The following MAGI2 variants were observed in gnomAD, a reference collection of about 807,000 sequenced individuals.
The protein encoded by MAGI2 is membrane-associated guanylate kinase, WW and PDZ domain-containing protein 2.
Under a neutral mutation model 133.3 loss-of-function variants are expected in MAGI2, and 35 were observed. The ratio of observed to expected loss-of-function variants is 0.26; its 90% CI spans 0.20 to 0.35. The LOEUF (loss-of-function observed/expected upper bound fraction) is 0.35, where lower values mean the gene tolerates loss of function less well. Ranked by LOEUF, MAGI2 falls within the 10% of genes least tolerant of loss-of-function variation. The pLI is 1.00. For missense variants in MAGI2, 1,636 were observed against 1,863.4 expected (o/e 0.88, Z 2.25); for synonymous variants, 729 against 710.6 (o/e 1.03, Z -0.41).
intron 1 of MAGI2, among the ~76,000 whole-genome samples, chr7:79,318,244 T>C (rs1838895748): frequency 6.6e-6 from 1 of 152,052 alleles, no homozygotes. Context: ...AAAACATCAT[T>C]TATAAAATGT....
intron 1 of MAGI2, among the ~76,000 whole-genome samples, chr7:79,327,534 G>A (rs978941711): frequency 4.6e-5 from 7 of 152,040 alleles, no homozygotes; most frequent in Non-Finnish European, 5.9e-5. Context: ...TATATGTATC[G>A]CAAAATAAAA....
chr7:78,987,666 T>C (rs1805388778), intron 2 of MAGI2, among the ~76,000 whole-genome samples: 1 of 152,038 alleles, frequency 6.6e-6, no homozygotes, highest in African/African-American at 2.4e-5. Context: ...TGTTTGAAAA[T>C]CTTCTCTACT....
At chr7:78,519,557 A>T (rs563860597) in intron 4 of MAGI2, among the ~76,000 whole-genome samples, 24 of 152,310 alleles carry the variant, frequency 1.6e-4, no homozygotes, top group Non-Finnish European at 3.1e-4. Context: ...GATCAAGAAC[A>T]GTTCAGTTTT....
intron 1 of MAGI2, among the ~76,000 whole-genome samples, chr7:79,055,623 A>C (rs749115678): frequency 8.5e-5 from 13 of 152,172 alleles, no homozygotes; most frequent in Non-Finnish European, 1.6e-4. Context: ...CAGTCAGATT[A>C]ATTACATATG....
rs940560341 is a variant in MAGI2, at chr7:78,056,535, G to C, written c.3706+22412C>G. ...CTTTGCAGAAACATGGTTGGAGCTGGGAGCCATTATCCTCAGCAAACTGAC... is the reference window on the plus strand; with the variant it reads ...CTTTGCAGAAACATGGTTGGAGCTGCGAGCCATTATCCTCAGCAAACTGAC... On this transcript the variant is annotated intron_variant, in intron 21 of 21. Transcript: ENST00000354212. 2.6e-5 allele frequency among the ~76,000 whole-genome samples: 4 copies of C among 152,106 alleles called. No homozygotes were observed. The South Asian group carries it at 6.2e-4, about 24-fold the overall frequency.
At chr7:78,340,527 C>A (rs962263581) in intron 9 of MAGI2, among the ~76,000 whole-genome samples, 29 of 152,284 alleles carry the variant, frequency 1.9e-4, no homozygotes, top group African/African-American at 7.0e-4. Context: ...AGGCCAATAT[C>A]CTTGATGAAC....
intron 8 of MAGI2, among the ~76,000 whole-genome samples, chr7:78,344,165 A>G (rs956064841): frequency 2.0e-5 from 3 of 152,174 alleles, no homozygotes; most frequent in Admixed American, 2.0e-4. Context: ...GCATCCAGGG[A>G]AAGATGAAAA....
chr7:78,387,878 A>C (rs1229714729), intron 6 of MAGI2, among the ~76,000 whole-genome samples: 1 of 152,068 alleles, frequency 6.6e-6, no homozygotes, highest in Non-Finnish European at 1.5e-5. Flanking sequence ...GTGATCCCAG[A>C]TCACGCCACT....
chr7:78,667,908 T>C (rs1197378249), intron 2 of MAGI2, among the ~76,000 whole-genome samples: 2 of 152,214 alleles, frequency 1.3e-5, no homozygotes, highest in East Asian at 1.9e-4. Flanking sequence ...ATACACCCAG[T>C]AATGGGATGG....
intron 6 of MAGI2, among the ~76,000 whole-genome samples, chr7:78,468,039 A>G (rs1376950312): frequency 6.6e-6 from 1 of 152,138 alleles, no homozygotes; most frequent in African/African-American, 2.4e-5. Context: ...ATTTTGGGCC[A>G]TTAACAACTT....
intron 2 of MAGI2, among the ~76,000 whole-genome samples, chr7:78,635,610 T>G (rs367680578): frequency 6.6e-6 from 1 of 152,262 alleles, no homozygotes. Context: ...AATTCTGTTC[T>G]TATTCATATA....
intron 9 of MAGI2, among the ~76,000 whole-genome samples, chr7:78,289,577 T>C (rs968157923): frequency 1.3e-5 from 2 of 152,152 alleles, no homozygotes; most frequent in African/African-American, 4.8e-5. Flanking sequence ...GAGCCAACAT[T>C]CAAATTCAGG....
chr7:78,905,917 G>T (rs1249122403), intron 2 of MAGI2, among the ~76,000 whole-genome samples: 1 of 152,018 alleles, frequency 6.6e-6, no homozygotes, highest in Admixed American at 6.6e-5. Flanking sequence ...ATACCATAAA[G>T]AAAAGTTTGT....
chr7:78,208,833 T>C (rs1393266481), intron 10 of MAGI2, among the ~76,000 whole-genome samples: 1 of 152,060 alleles, frequency 6.6e-6, no homozygotes, highest in Non-Finnish European at 1.5e-5. Context: ...ATAAATTCAA[T>C]ACAGAAATGG....
chr7:78,079,359 TA>T (rs1815711845), intron 20 of MAGI2, among the ~76,000 whole-genome samples: 1 of 152,220 alleles, frequency 6.6e-6, no homozygotes, highest in Non-Finnish European at 1.5e-5. Context: ...ACAGAGACTG[TA>T]AACTAGTTAG....
At chr7:78,831,345 T>C (rs1005974438) in intron 2 of MAGI2, among the ~76,000 whole-genome samples, 5 of 152,196 alleles carry the variant, frequency 3.3e-5, no homozygotes, top group Non-Finnish European at 7.3e-5. Flanking sequence ...TTTTCTTCTT[T>C]GAGTAAGAAT....
At chr7:78,075,445 C>G (rs1224990846) in intron 21 of MAGI2, among the ~76,000 whole-genome samples, 1 of 146,742 alleles carries the variant, frequency 6.8e-6, no homozygotes, top group African/African-American at 2.6e-5. Flanking sequence ...GGCACGATCT[C>G]TGCTCACTGC....
At chr7:78,971,310 A>G (rs2115983407) in intron 2 of MAGI2, among the ~76,000 whole-genome samples, 1 of 152,214 alleles carries the variant, frequency 6.6e-6, no homozygotes, top group Middle Eastern at 3.4e-3. Flanking sequence ...ATATGGAGAT[A>G]AATCTATAAG....
intron 20 of MAGI2, among the ~76,000 whole-genome samples, chr7:78,088,794 T>G (rs1816895716): frequency 6.6e-6 from 1 of 152,158 alleles, no homozygotes; most frequent in African/African-American, 2.4e-5. Flanking sequence ...GATGTCCACC[T>G]CCTAGTCCCT....
Sources: gnomAD v4.1 joint callset for allele counts (sites outside exome capture counted in the v4.1 genomes callset) on GRCh38, gnomAD v4.1.1 for gene constraint, MANE v1.5 for transcripts, NCBI Gene and HGNC (gene_info 2026-07-23, HGNC 2026-07-21) for gene names.